NEGR1: variants seen among roughly 807,000 people sequenced by gnomAD.
NEGR1 encodes neuronal growth regulator 1.
NEGR1 carries 10 observed loss-of-function variants against 40.9 expected under a neutral mutation model. That is an observed-to-expected ratio of 0.24 (90% CI 0.15 to 0.42). The LOEUF (loss-of-function observed/expected upper bound fraction) is 0.42, where lower values mean the gene tolerates loss of function less well. Ranked by LOEUF, NEGR1 falls within the 10% of genes least tolerant of loss-of-function variation. The pLI, the probability that NEGR1 is intolerant of heterozygous loss-of-function variation, is 1.00. For synonymous variants in NEGR1, 185 were observed against 166.8 expected, an observed-to-expected ratio of 1.11 and a Z score of -0.84; for missense variants, 352 against 438.9, an observed-to-expected ratio of 0.80 and a Z score of 1.77.
intron 2 of NEGR1, among the ~76,000 whole-genome samples, chr1:71,899,285 G>C (rs896270711): frequency 6.6e-6 from 1 of 151,904 alleles, no homozygotes; most frequent in Non-Finnish European, 1.5e-5. Flanking sequence ...GTGGGTTTAT[G>C]GTTAGAGTGG....
rs529940955 is a variant in NEGR1, at chr1:72,090,587, T to C, written c.177-155276A>G. ...TTTTCTCCATTGCCTTTAATTAAAA[T>C]AACTCCAGGGTCATCTACCTGATAA... On this transcript the variant is annotated intron_variant, in intron 1 of 6. Coordinates refer to ENST00000357731, the MANE Select transcript of NEGR1 (RefSeq NM_173808.3). 2.6e-5 allele frequency among the ~76,000 whole-genome samples: 4 copies of C among 152,262 alleles called. No homozygotes were observed. In the South Asian group the frequency reaches 8.3e-4, roughly 32 times the overall value.
chr1:71,753,245 G>A (rs891295495), intron 3 of NEGR1, among the ~76,000 whole-genome samples: 2 of 152,118 alleles, frequency 1.3e-5, no homozygotes, highest in African/African-American at 4.8e-5. Context: ...TGCTACCAAG[G>A]ATAGTGAAAG....
chr1:71,727,729 C>T (rs1168599038), intron 3 of NEGR1, among the ~76,000 whole-genome samples: 2 of 152,090 alleles, frequency 1.3e-5, no homozygotes, highest in African/African-American at 2.4e-5. Context: ...GAACTGTATT[C>T]ATGGAGGGCA....
chr1:71,999,063 T>C (rs979753501), intron 1 of NEGR1, among the ~76,000 whole-genome samples: 1 of 151,952 alleles, frequency 6.6e-6, no homozygotes, highest in Non-Finnish European at 1.5e-5. Flanking sequence ...CCATCATCTA[T>C]GAAACACACA....
chr1:71,586,001 G>A (rs759850812), intron 6 of NEGR1, among the ~76,000 whole-genome samples: 7 of 152,002 alleles, frequency 4.6e-5, no homozygotes, highest in Admixed American at 2.6e-4. Flanking sequence ...CATTTTGCAT[G>A]TCCTCTCATT....
At chr1:71,667,124 C>A (rs757977313) in intron 4 of NEGR1, among the ~76,000 whole-genome samples, 1 of 152,098 alleles carries the variant, frequency 6.6e-6, no homozygotes, top group African/African-American at 2.4e-5. Context: ...GTTACACGTG[C>A]CCTAACAGAA....
chr1:71,958,565 C>A (rs549871894), intron 1 of NEGR1, among the ~76,000 whole-genome samples: 1 of 152,262 alleles, frequency 6.6e-6, no homozygotes, highest in South Asian at 2.1e-4. Context: ...AAGGTACTTA[C>A]TCTGCCTCAA....
At chr1:72,143,968 A>G (rs1650806966) in intron 1 of NEGR1, among the ~76,000 whole-genome samples, 1 of 144,770 alleles carries the variant, frequency 6.9e-6, no homozygotes, top group Non-Finnish European at 1.5e-5. Context: ...TCAACTGGGG[A>G]GAGATTTGTA....
rs67552146 is a variant in NEGR1 at position 72,126,091 on chromosome 1, A to ATGTGTGTG, written c.176+156220_176+156227dup. 2.9e-3 allele frequency among the ~76,000 whole-genome samples: 426 copies of ATGTGTGTG among 146,808 alleles called. 1 individual carries two copies. The highest frequency in any genetic ancestry group is 8.7e-3 in the African/African-American group (340 of 38,964). Reference sequence around the variant, plus strand: ...CCCTTATGAGTCATTAGAGAAAAGTATGTGTGTGTGTGTGTGTGTGTGTGT... The same window carrying ATGTGTGTG: ...CCCTTATGAGTCATTAGAGAAAAGTATGTGTGTGTGTGTGTGTGTGTGTGTGTGTGTGT... On this transcript the variant is annotated intron_variant, in intron 1 of 6. Coordinates refer to ENST00000357731, the MANE Select transcript of NEGR1 (RefSeq NM_173808.3).
At chr1:71,801,872 G>A (rs1210434109) in intron 2 of NEGR1, among the ~76,000 whole-genome samples, 1 of 152,168 alleles carries the variant, frequency 6.6e-6, no homozygotes, top group East Asian at 1.9e-4. Flanking sequence ...AAAGAAAAGA[G>A]GAAGACAGTA....
At chr1:71,977,209 C>A (rs1463342909) in intron 1 of NEGR1, among the ~76,000 whole-genome samples, 1 of 152,050 alleles carries the variant, frequency 6.6e-6, no homozygotes, top group Non-Finnish European at 1.5e-5. Context: ...ACCTGTAATC[C>A]AAGCTACTTG....
At chr1:71,851,414 T>G (rs1467757469) in intron 2 of NEGR1, among the ~76,000 whole-genome samples, 1 of 152,188 alleles carries the variant, frequency 6.6e-6, no homozygotes, top group Non-Finnish European at 1.5e-5. Flanking sequence ...GCAAATTTTC[T>G]TTTAAAACTC....
At position 71,404,816 on chromosome 1, in the gene NEGR1, A is replaced by G. The variant is rs1430258710; in HGVS notation, c.*2630T>C. The G allele has an allele frequency of 2.0e-5, 3 of 152,270 alleles. No homozygotes were observed. Among genetic ancestry groups the G allele is most frequent in the Non-Finnish European group, 4.4e-5 (3 of 67,776 alleles). 9.4% of individuals were successfully genotyped at this position (152,270 alleles called of 1,614,324 possible). ...CAATTTATAAAACTGCTATTCTGAAATTGCAACAATCTTGTACAGTCAGGA... is the reference window on the plus strand; with the variant it reads ...CAATTTATAAAACTGCTATTCTGAAGTTGCAACAATCTTGTACAGTCAGGA... On this transcript the variant is annotated 3_prime_UTR_variant, in exon 7 of 7. Coordinates refer to ENST00000357731, the MANE Select transcript of NEGR1 (RefSeq NM_173808.3).
At chr1:71,723,030 G>GAA (rs3077143) in intron 3 of NEGR1, among the ~76,000 whole-genome samples, 2 of 149,284 alleles carry the variant, frequency 1.3e-5, no homozygotes, top group African/African-American at 4.9e-5. Flanking sequence ...GAAAGTTTCT[G>GAA]AAAAAAAAAA....
At chr1:72,167,280 G>A (rs1651802926) in intron 1 of NEGR1, among the ~76,000 whole-genome samples, 1 of 152,032 alleles carries the variant, frequency 6.6e-6, no homozygotes, top group Admixed American at 6.6e-5. Flanking sequence ...CCTCTTTAGA[G>A]TATAAAGAAT....
intron 1 of NEGR1, among the ~76,000 whole-genome samples, chr1:72,143,389 T>A (rs564581573): frequency 6.6e-6 from 1 of 152,026 alleles, no homozygotes; most frequent in Admixed American, 6.6e-5. Flanking sequence ...ACAGTCATGA[T>A]GCACCTAAGG....
At chr1:71,462,005 G>A (rs1407335640) in intron 6 of NEGR1, among the ~76,000 whole-genome samples, 1 of 152,096 alleles carries the variant, frequency 6.6e-6, no homozygotes, top group Non-Finnish European at 1.5e-5. Flanking sequence ...TGTTATCCCT[G>A]AAATTTTGAT....
intron 2 of NEGR1, among the ~76,000 whole-genome samples, chr1:71,932,945 C>T (rs1645868870): frequency 6.6e-6 from 1 of 152,020 alleles, no homozygotes; most frequent in Admixed American, 6.6e-5. Flanking sequence ...AATGTATTCC[C>T]TGAACTTTAT....
chr1:71,749,108 C>CA (rs1039103832), intron 3 of NEGR1, among the ~76,000 whole-genome samples: 1 of 152,068 alleles, frequency 6.6e-6, no homozygotes, highest in Non-Finnish European at 1.5e-5. Flanking sequence ...ACAAAACTAA[C>CA]AAAAAATAAT....
Sources: allele counts gnomAD v4.1 joint callset (sites outside exome capture counted in the v4.1 genomes callset), GRCh38; gene constraint gnomAD v4.1.1; transcripts MANE v1.5; gene names NCBI Gene and HGNC (gene_info 2026-07-23, HGNC 2026-07-21).